The following CEP85L variants were observed in gnomAD, a reference collection of about 807,000 sequenced individuals.
CEP85L encodes centrosomal protein 85L, also known as centrosomal protein of 85 kDa-like.
CEP85L carries 60 observed loss-of-function variants against 100.3 expected under a neutral mutation model. That is an observed-to-expected ratio of 0.60 (90% confidence interval 0.49 to 0.74). The LOEUF (loss-of-function observed/expected upper bound fraction) is 0.74. Ranked by LOEUF, CEP85L falls within the 30% of genes least tolerant of loss-of-function variation. The probability of loss-of-function intolerance (pLI) is 0.00; values close to 1 mark genes in which losing one functional copy is unlikely to be tolerated. For synonymous variants in CEP85L, 319 were observed against 322.7 expected (o/e 0.99, Z 0.12); for missense variants, 973 against 936.2 (o/e 1.04, Z -0.51).
intron 1 of CEP85L, among the ~76,000 whole-genome samples, chr6:118,660,279 G>C (rs1341449453): frequency 6.6e-6 from 1 of 152,228 alleles, no homozygotes; most frequent in Non-Finnish European, 1.5e-5. Flanking sequence ...GTGGCTTTCT[G>C]CTGAGGTGGC....
intron 2 of CEP85L, among the ~76,000 whole-genome samples, chr6:118,608,813 C>A (rs1402906627): frequency 1.3e-5 from 2 of 152,088 alleles, no homozygotes; most frequent in African/African-American, 2.4e-5. Flanking sequence ...AACAGAAATT[C>A]TAGGTTTTTG....
At chr6:118,616,979 C>T (rs1773100807) in intron 2 of CEP85L, among the ~76,000 whole-genome samples, 1 of 150,822 alleles carries the variant, frequency 6.6e-6, no homozygotes. Context: ...GAGGGGATCA[C>T]TTGAGCCCAG....
At chr6:118,572,731 G>A (rs117998291) in intron 2 of CEP85L, among the ~76,000 whole-genome samples, 3,838 of 152,192 alleles carry the variant, frequency 0.025, 57 homozygotes, top group Non-Finnish European at 0.039. Context: ...AAGGCATTAT[G>A]CTAGGTAGAA....
intron 2 of CEP85L, among the ~76,000 whole-genome samples, chr6:118,620,662 C>T (rs1773377827): frequency 6.6e-6 from 1 of 152,188 alleles, no homozygotes; most frequent in Non-Finnish European, 1.5e-5. Context: ...ATCACCCTCA[C>T]AGAGCCCCGG....
Position 118,483,785 on chromosome 6 carries a change from TTTTC to T in CEP85L, c.1507_1510del (p.Glu503SerfsTer18), listed in dbSNP as rs1362237102. The T allele has an allele frequency of 6.2e-7, 1 of 1,613,800 alleles. No homozygotes were observed. Among genetic ancestry groups the T allele is most frequent in the Non-Finnish European group, 8.5e-7 (1 of 1,179,870 alleles). On this transcript the variant is annotated frameshift_variant, in exon 7 of 13. Coordinates refer to ENST00000368491, the MANE Select transcript of CEP85L (RefSeq NM_001042475.3). LOFTEE classifies it high-confidence loss of function. ...TTCCAAGGTCTCAATTCTTCTCTGCTTTTCTTTGTTTTGTTCAGATTCCTTCTGG... is the reference window on the plus strand; with the variant it reads ...TTCCAAGGTCTCAATTCTTCTCTGCTTTTGTTTTGTTCAGATTCCTTCTGG...
At chr6:118,605,079 C>T (rs972583745) in intron 2 of CEP85L, among the ~76,000 whole-genome samples, 17 of 152,280 alleles carry the variant, frequency 1.1e-4, no homozygotes, top group Non-Finnish European at 2.4e-4. Flanking sequence ...AAGTGGATTA[C>T]TGGCTTCAGG....
At chr6:118,574,427 A>G (rs1377548340) in intron 2 of CEP85L, among the ~76,000 whole-genome samples, 2 of 152,174 alleles carry the variant, frequency 1.3e-5, no homozygotes, top group Non-Finnish European at 2.9e-5. Flanking sequence ...CGCAGGCACC[A>G]CCCTTCTGCA....
intron 1 of CEP85L, among the ~76,000 whole-genome samples, chr6:118,707,295 A>G (rs914037759): frequency 6.6e-6 from 1 of 151,040 alleles, no homozygotes; most frequent in East Asian, 1.9e-4. Flanking sequence ...GGCTCAGATG[A>G]TCCTCTCACC....
At chr6:118,651,134 G>A (rs1775526196) in intron 1 of CEP85L, 63 bp downstream of exon 1, 2 of 1,451,224 alleles carry the variant, frequency 1.4e-6, no homozygotes, top group Non-Finnish European at 1.8e-6. Flanking sequence ...CGGCGGCGAG[G>A]TCCCGAGGCG....
chr6:118,569,456 A>C (rs1779754933), intron 2 of CEP85L, among the ~76,000 whole-genome samples: 1 of 150,724 alleles, frequency 6.6e-6, no homozygotes, highest in Non-Finnish European at 1.5e-5. Context: ...AACTTAAAGT[A>C]TAATAAAAAT....
chr6:118,486,923 G>A (rs937197752), intron 6 of CEP85L, among the ~76,000 whole-genome samples: 2 of 151,938 alleles, frequency 1.3e-5, no homozygotes, highest in East Asian at 3.9e-4. Flanking sequence ...TTACCTGAAA[G>A]AATTCATTCA....
chr6:118,482,269 G>A (rs1201426665), intron 7 of CEP85L, among the ~76,000 whole-genome samples: 2 of 152,020 alleles, frequency 1.3e-5, no homozygotes, highest in Non-Finnish European at 2.9e-5. Context: ...GACAGGTTGA[G>A]GTTAAGTACA....
At chr6:118,549,500 T>C (rs1479649729) in intron 3 of CEP85L, among the ~76,000 whole-genome samples, 1 of 151,846 alleles carries the variant, frequency 6.6e-6, no homozygotes, top group Non-Finnish European at 1.5e-5. Flanking sequence ...ATAAAATTTA[T>C]CTCTAAAATT....
In CEP85L at chr6:118,464,097, A is replaced by T. The variant is rs1374138655; in HGVS notation, c.*1308T>A. 1 of 152,198 alleles carries T rather than the reference A, an allele frequency of 6.6e-6. No homozygotes were observed. Among genetic ancestry groups the T allele is most frequent in the Non-Finnish European group, 1.5e-5 (1 of 68,016 alleles). 9.4% of individuals were successfully genotyped at this position (152,198 alleles called of 1,614,324 possible). On this transcript the variant is annotated 3_prime_UTR_variant, in exon 13 of 13. Coordinates refer to ENST00000368491, the MANE Select transcript of CEP85L (RefSeq NM_001042475.3). ...GAGACTTGGTTGCATCACAAGATCAAACCAACTTACAAAGGACAAGGCTTT... is the reference window on the plus strand; with the variant it reads ...GAGACTTGGTTGCATCACAAGATCATACCAACTTACAAAGGACAAGGCTTT...
intron 5 of CEP85L, among the ~76,000 whole-genome samples, chr6:118,506,125 A>G (rs951489976): frequency 9.2e-5 from 14 of 152,244 alleles, no homozygotes; most frequent in African/African-American, 3.1e-4. Context: ...ACATTCCTGG[A>G]AAATCATGCA....
rs533177787 is a variant in CEP85L at position 118,642,838 on chromosome 6, C to T, written c.73+8359G>A. Among the ~76,000 whole-genome samples, 5 of 152,138 alleles carry T rather than the reference C, an allele frequency of 3.3e-5. No individual in the cohort carries two copies. The East Asian group carries it at 9.6e-4, about 29-fold the overall frequency. ...CTTGGGAGGCGGAGGTTGCAGTGAG[C>T]CGAGATCACACCACTGCACTCCAGC... On this transcript the variant is annotated intron_variant, in intron 1 of 12. Coordinates refer to ENST00000368491, the MANE Select transcript of CEP85L (RefSeq NM_001042475.3).
chr6:118,652,486 G>A, upstream of CEP85L: 1 of 1,319,948 alleles, frequency 7.6e-7, no homozygotes, highest in Non-Finnish European at 9.7e-7. Context: ...CACTGTGGTG[G>A]GAGGCGGGCT....
intron 1 of CEP85L, among the ~76,000 whole-genome samples, chr6:118,705,405 A>C (rs1777564155): frequency 6.6e-6 from 1 of 152,248 alleles, no homozygotes. Flanking sequence ...TAATTTCTGC[A>C]GAAGGAACAA....
chr6:118,557,278 A>G (rs1273987215), intron 3 of CEP85L, among the ~76,000 whole-genome samples: 1 of 152,206 alleles, frequency 6.6e-6, no homozygotes, highest in Non-Finnish European at 1.5e-5. Context: ...TTTTTATGAG[A>G]TTGGCTCTGG....
Sources: gnomAD v4.1 joint callset for allele counts (sites outside exome capture counted in the v4.1 genomes callset) on GRCh38, gnomAD v4.1.1 for gene constraint, MANE v1.5 for transcripts, NCBI Gene and HGNC (gene_info 2026-07-23, HGNC 2026-07-21) for gene names.